The following ZNF615 variants were observed in gnomAD, a reference collection of about 807,000 sequenced individuals.
ZNF615 encodes zinc finger protein 615.
Under a neutral mutation model 15.3 loss-of-function variants are expected in ZNF615, and 15 were observed. That is an observed-to-expected ratio of 0.98 (90% CI 0.66 to 1.51). The LOEUF is 1.51. Ranked by LOEUF, ZNF615 falls within the 40% of genes most tolerant of loss-of-function variation. ZNF615 has a pLI of 0.00. For missense variants in ZNF615, 848 were observed against 895.9 expected (o/e 0.95, Z 0.68); for synonymous variants, 268 against 294.6 (o/e 0.91, Z 0.92).
Position 51,994,713 on chromosome 19 carries a change from G to A in ZNF615, c.396C>T (p.Phe132=). Residue 132 remains phenylalanine (F), a synonymous_variant, in exon 7 of 7, where the codon TTC becomes TTT. Coordinates refer to ENST00000598071, the MANE Select transcript of ZNF615 (RefSeq NM_001199324.2). ...GNIVNQNKGH[F]LLKQDCDTFD... Reference sequence around the variant, plus strand: ...ACGTATCACAATCTTGCTTCAGCAGGAAATGACCTTTGTTCTGATTAACAA... The same window carrying A: ...ACGTATCACAATCTTGCTTCAGCAGAAAATGACCTTTGTTCTGATTAACAA... 6.2e-7 allele frequency: 1 copy of A among 1,613,706 alleles called. No homozygotes were observed. The highest frequency in any genetic ancestry group is 8.5e-7 in the Non-Finnish European group (1 of 1,179,968).
chr19:52,000,419 T>C (rs1361772900), intron 5 of ZNF615, 41 bp from the exon 6 acceptor site: 1 of 609,376 alleles, frequency 1.6e-6, no homozygotes, highest in Non-Finnish European at 3.0e-6. Context: ...ATTAAAAAAA[T>C]AAAATTATAT....
At chr19:51,998,888 C>T (rs1383795025) in intron 6 of ZNF615, among the ~76,000 whole-genome samples, 3 of 152,164 alleles carry the variant, frequency 2.0e-5, no homozygotes, top group Admixed American at 6.5e-5. Flanking sequence ...CTCCTGAACT[C>T]AAGTGATCCA....
In ZNF615 at chr19:51,993,929, A is replaced by C; in HGVS notation, c.1180T>G (p.Leu394Val). Residue 394 changes from leucine to valine, a missense_variant, in exon 7 of 7, where the codon TTG (leucine) becomes GTG (valine). By Grantham distance (32) the Leu-to-Val change is conservative. Coordinates refer to ENST00000598071, the MANE Select transcript of ZNF615 (RefSeq NM_001199324.2). ...ICNKCGKGFT[L>V]KNSLITHQQT... ...TGATGTGTGATAAGACTGTTCTTCA[A>C]GGTGAAGCCTTTCCCACATTTATTG... 1 of 1,613,792 alleles carries C rather than the reference A, an allele frequency of 6.2e-7. No homozygotes were observed. The highest frequency in any genetic ancestry group is 8.5e-7 in the Non-Finnish European group (1 of 1,179,922).
chr19:51,998,772 A>G (rs562718823), intron 6 of ZNF615, among the ~76,000 whole-genome samples: 3 of 152,254 alleles, frequency 2.0e-5, no homozygotes, highest in Non-Finnish European at 4.4e-5. Context: ...CTCCCACCTC[A>G]GCCTCCTGAG....
In ZNF615 at chr19:51,991,884, T is replaced by C. The variant is rs1044189740; in HGVS notation, c.*996A>G. The stretch of plus-strand genomic sequence containing the variant: ...ACTATGCTTATGTAAGTTGTTATCT[T>C]TGGAAGAAGCTGGGTTAAGGGCAAG... On this transcript the variant is annotated 3_prime_UTR_variant, in exon 7 of 7. Transcript: ENST00000598071. The C allele has an allele frequency of 9.3e-5, 13 of 139,072 alleles. No individual in the cohort carries two copies. Among genetic ancestry groups the C allele is most frequent in the African/African-American group, 2.9e-4 (10 of 34,264 alleles). 8.6% of individuals were successfully genotyped at this position (139,072 alleles called of 1,614,324 possible).
rs572109895 is a variant in ZNF615, at chr19:51,995,846, C to T, written c.272-1009G>A. Among the ~76,000 whole-genome samples the T allele has an allele frequency of 7.2e-5, 11 of 152,094 alleles. No homozygotes were observed. The South Asian group carries it at 1.5e-3, about 20-fold the overall frequency. On this transcript the variant is annotated intron_variant, in intron 6 of 6. Transcript: ENST00000598071. Reference sequence around the variant, plus strand: ...CCTCCCAAAGTGCTGGGATTACAGACATGAGCCACTGCACTCAGCCAATTT... The same window carrying T: ...CCTCCCAAAGTGCTGGGATTACAGATATGAGCCACTGCACTCAGCCAATTT...
intron 2 of ZNF615, among the ~76,000 whole-genome samples, chr19:52,005,620 T>C (rs572714561): frequency 2.6e-5 from 4 of 152,272 alleles, no homozygotes; most frequent in African/African-American, 9.6e-5. Context: ...AACTGTGAAT[T>C]TGTGCAGAAA....
intron 6 of ZNF615, among the ~76,000 whole-genome samples, chr19:51,997,035 T>C (rs541674235): frequency 6.6e-6 from 1 of 152,326 alleles, no homozygotes; most frequent in East Asian, 1.9e-4. Flanking sequence ...AAAGTAATCA[T>C]GTCCTGGTGT....
At chr19:52,005,794 G>C (rs2086736622) in intron 2 of ZNF615, among the ~76,000 whole-genome samples, 1 of 152,188 alleles carries the variant, frequency 6.6e-6, no homozygotes, top group African/African-American at 2.4e-5. Context: ...TTTGGGTCTA[G>C]AATGTCACTC....
intron 6 of ZNF615, among the ~76,000 whole-genome samples, chr19:51,997,478 T>C (rs1416656734): frequency 1.3e-5 from 2 of 151,748 alleles, no homozygotes; most frequent in African/African-American, 2.4e-5. Flanking sequence ...TGAAAGGTTC[T>C]ATACTTAAGA....
chr19:51,993,333 G>A lies in ZNF615; in HGVS notation c.1776C>T (p.Ser592=). 6.2e-7 allele frequency: 1 copy of A among 1,613,546 alleles called. No homozygotes were observed. Among genetic ancestry groups the A allele is most frequent in the Non-Finnish European group, 8.5e-7 (1 of 1,179,892 alleles). ...SECGKGLTGK[S]MLIAHQRTHT... The stretch of plus-strand genomic sequence containing the variant: ...GAGTTCGCTGATGTGCAATGAGCAT[G>A]CTTTTCCCAGTTAAGCCTTTGCCAC... Residue 592 remains serine (S), a synonymous_variant, in exon 7 of 7, where the codon AGC becomes AGT. Coordinates refer to ENST00000598071, the MANE Select transcript of ZNF615 (RefSeq NM_001199324.2).
chr19:52,004,988 C>T (rs146054046), intron 2 of ZNF615: 14,017 of 151,992 alleles, frequency 0.092, 893 homozygotes, highest in South Asian at 0.13. Flanking sequence ...AGGCCGGGTG[C>T]GGTGGCTCAC....
Position 51,993,183 on chromosome 19 carries a change from T to G in ZNF615, c.1926A>C (p.Lys642Asn), listed in dbSNP as rs765846608. 19 of 1,614,120 alleles carry G rather than the reference T, an allele frequency of 1.2e-5. No individual in the cohort carries two copies. In the Admixed American group the frequency reaches 1.3e-4, roughly 11 times the overall value. ...EKPYKCNECD[K>N]TFRKKTCLIQ... is the part of the protein sequence containing the mutation. ...TGAGGCATGTCTTCTTCCTGAAGGT[T>G]TTATCACATTCATTGCATTTGTATG... The change falls in exon 7 of 7, where the codon AAA (lysine) becomes AAC (asparagine). Residue 642 changes from lysine to asparagine, a missense_variant. Coordinates refer to ENST00000598071, the MANE Select transcript of ZNF615 (RefSeq NM_001199324.2).
At chr19:52,007,995 G>T in intron 1 of ZNF615, 146 bp downstream of exon 1, 2 of 715,058 alleles carry the variant, frequency 2.8e-6, no homozygotes, top group Non-Finnish European at 4.7e-6. Context: ...TCGGACCCAC[G>T]CTAAGCTCCT....
At position 52,003,795 on chromosome 19, in the gene ZNF615, A is replaced by T; in HGVS notation, c.-84T>A. 6.3e-7 allele frequency: 1 copy of T among 1,586,362 alleles called. No homozygotes were observed. Among genetic ancestry groups the T allele is most frequent in the Non-Finnish European group, 8.6e-7 (1 of 1,168,542 alleles). ...AATCAGCTCTAAATTTCGGTTCAAA[A>T]ACTTCAATCTCCAATCAAGGATGTC... is the stretch of plus-strand genomic sequence containing the variant. On this transcript the variant is annotated 5_prime_UTR_variant, in exon 3 of 7. Transcript: ENST00000598071.
chr19:52,006,758 T>C (rs1313874024), intron 2 of ZNF615, among the ~76,000 whole-genome samples: 1 of 152,172 alleles, frequency 6.6e-6, no homozygotes, highest in African/African-American at 2.4e-5. Flanking sequence ...GGTAGGCATA[T>C]TGGTATTAAC....
chr19:52,007,912 G>A (rs983796732), intron 1 of ZNF615: 5 of 511,506 alleles, frequency 9.8e-6, no homozygotes, highest in African/African-American at 7.8e-5. Flanking sequence ...CCCTGTGACT[G>A]GTCCCAGAGG....
At chr19:51,996,307 A>G (rs776182210) in intron 6 of ZNF615, among the ~76,000 whole-genome samples, 58 of 143,912 alleles carry the variant, frequency 4.0e-4, no homozygotes, top group Non-Finnish European at 7.3e-4. Context: ...AATCGCTTGA[A>G]CCCAGGAGGT....
Position 51,992,659 on chromosome 19 carries a change from C to CT in ZNF615, c.*220dup. On this transcript the variant is annotated 3_prime_UTR_variant, in exon 7 of 7. Coordinates refer to ENST00000598071, the MANE Select transcript of ZNF615 (RefSeq NM_001199324.2). ...AGGGGGTTTATCTTCCCACCAAAGG[C>CT]TTTTATAGTCTGCCACATTCATAGG... 2 of 559,374 alleles carry CT rather than the reference C, an allele frequency of 3.6e-6. No homozygotes were observed. The allele number at this position is 559,374 out of a possible 1,614,324, so 34.7% of individuals were successfully genotyped here.
Sources: allele counts gnomAD v4.1 joint callset (sites outside exome capture counted in the v4.1 genomes callset), GRCh38; gene constraint gnomAD v4.1.1; transcripts MANE v1.5; gene names NCBI Gene and HGNC (gene_info 2026-07-23, HGNC 2026-07-21).